PIEZO2: variants seen among roughly 807,000 people sequenced by gnomAD.
The protein encoded by PIEZO2 is piezo-type mechanosensitive ion channel component 2.
Under a neutral mutation model 337.3 loss-of-function variants are expected in PIEZO2, and 172 were observed. The observed-to-expected ratio is 0.51, with a 90% CI of 0.45 to 0.58. The LOEUF (loss-of-function observed/expected upper bound fraction) is 0.58. Among genes scored for constraint, PIEZO2 ranks in the 20% least tolerant of loss-of-function variants. The pLI is 0.00. For synonymous variants in PIEZO2, 1,251 were observed against 1,228.5 expected, an observed-to-expected ratio of 1.02 and a Z score of -0.38; for missense variants, 3,028 against 3,391.3, an observed-to-expected ratio of 0.89 and a Z score of 2.66.
At chr18:10,866,046 G>A (rs969334644) in intron 5 of PIEZO2, among the ~76,000 whole-genome samples, 1 of 152,166 alleles carries the variant, frequency 6.6e-6, no homozygotes, top group Admixed American at 6.5e-5. Context: ...CGTTTTTGGA[G>A]CTTTGATTCT....
At chr18:10,913,637 T>A (rs2030674929) in intron 3 of PIEZO2, among the ~76,000 whole-genome samples, 1 of 152,164 alleles carries the variant, frequency 6.6e-6, no homozygotes, top group Non-Finnish European at 1.5e-5. Context: ...TAGGCTTTTT[T>A]AACAGGGAGT....
chr18:11,045,566 T>C (rs1010696326), intron 2 of PIEZO2, among the ~76,000 whole-genome samples: 2 of 152,040 alleles, frequency 1.3e-5, no homozygotes, highest in African/African-American at 4.8e-5. Flanking sequence ...CGGACACTTG[T>C]TTATGGTATG....
intron 7 of PIEZO2, among the ~76,000 whole-genome samples, chr18:10,820,980 C>T (rs567443154): frequency 2.0e-5 from 3 of 152,250 alleles, no homozygotes; most frequent in East Asian, 3.9e-4. Context: ...GTTCTTTCCC[C>T]GGGAGTTTTG....
rs11875564 is a variant in PIEZO2 at position 10,794,832 on chromosome 18, A to G, written c.1698T>C (p.Pro566=). The change falls in exon 13 of 56, where the codon CCT becomes CCC. Residue 566 remains proline (P), a synonymous_variant. Transcript: ENST00000674853. The surrounding 1 kb of genome is among the most constrained non-coding windows in gnomAD (Gnocchi z 6.6). ...ILQYIWSFEL[P]EIKKVPGFLE... The stretch of plus-strand genomic sequence containing the variant: ...AAAATCCTGGAACTTTTTTAATTTC[A>G]GGAAGTTCAAAACTCCATATATACT... 3.3e-3 allele frequency: 5,082 copies of G among 1,536,620 alleles called. 112 individuals are homozygous for G. The African/African-American group carries it at 0.057, about 17-fold the overall frequency.
Position 10,962,107 on chromosome 18 carries a change from T to C in PIEZO2, c.286+17428A>G, listed in dbSNP as rs1046867246. On this transcript the variant is annotated intron_variant, in intron 3 of 55. Coordinates refer to ENST00000674853, the MANE Select transcript of PIEZO2 (RefSeq NM_001378183.1). This position sits in a 1 kb window ranked among gnomAD's most constrained non-coding sequence, Gnocchi z 4.1. Reference sequence around the variant, plus strand: ...CAGACTGTAATCAACTATATTAGCATGACAACAAATTCTTTATGTTGTGAG... The same window carrying C: ...CAGACTGTAATCAACTATATTAGCACGACAACAAATTCTTTATGTTGTGAG... 6.6e-6 allele frequency among the ~76,000 whole-genome samples: 1 copy of C among 152,188 alleles called. No homozygotes were observed. The highest frequency in any genetic ancestry group is 2.4e-5 in the African/African-American group (1 of 41,450).
rs985664976 is a variant in PIEZO2 at position 10,929,394 on chromosome 18, C to G, written c.287-18166G>C. On this transcript the variant is annotated intron_variant, in intron 3 of 55. Coordinates refer to ENST00000674853, the MANE Select transcript of PIEZO2 (RefSeq NM_001378183.1). The surrounding 1 kb of genome is among the most constrained non-coding windows in gnomAD (Gnocchi z 5.6). ...AATTCCAGACCAGCGCAAAGAAACT[C>G]CGAATTATTTTGATCAGATTCAGAC... 1.3e-5 allele frequency among the ~76,000 whole-genome samples: 2 copies of G among 152,160 alleles called. No homozygotes were observed. Among genetic ancestry groups the G allele is most frequent in the Non-Finnish European group, 2.9e-5 (2 of 68,036 alleles).
At chr18:11,000,424 A>C (rs1444863562) in intron 2 of PIEZO2, among the ~76,000 whole-genome samples, 5 of 152,332 alleles carry the variant, frequency 3.3e-5, no homozygotes, top group South Asian at 2.1e-4. Flanking sequence ...AAAGGGCTGT[A>C]AAATCTGAAA....
At chr18:10,865,860 C>G (rs759828989) in intron 5 of PIEZO2, among the ~76,000 whole-genome samples, 4 of 152,048 alleles carry the variant, frequency 2.6e-5, no homozygotes, top group Admixed American at 6.5e-5. Context: ...TACTCTACCC[C>G]CCAAGAAAGG....
rs756508399 is a variant in PIEZO2, at chr18:10,758,109, G to A, written c.3783C>T (p.Ala1261=). 2.8e-5 allele frequency: 43 copies of A among 1,537,498 alleles called. No individual in the cohort carries two copies. The highest frequency in any genetic ancestry group is 1.7e-4 in the South Asian group (14 of 84,054). ...LVYDFMLLLC[A]SLQRQIFEDE... is the part of the protein sequence containing the mutation. Reference sequence around the variant, plus strand: ...CCTCAAAAATCTGCCGTTGTAAGGAGGCACACAGAAGCAGCATGAAGTCAT... The same window carrying A: ...CCTCAAAAATCTGCCGTTGTAAGGAAGCACACAGAAGCAGCATGAAGTCAT... The change falls in exon 27 of 56, where the codon GCC becomes GCT. Residue 1261 remains alanine (A), a synonymous_variant. Transcript: ENST00000674853.
At chr18:10,763,988 A>G (rs2038248782) in intron 21 of PIEZO2, among the ~76,000 whole-genome samples, 1 of 152,140 alleles carries the variant, frequency 6.6e-6, no homozygotes, top group East Asian at 1.9e-4. Context: ...GCCATTACTG[A>G]GACAGCAACG....
chr18:10,917,876 C>T (rs1410747552), intron 3 of PIEZO2, among the ~76,000 whole-genome samples: 2 of 152,080 alleles, frequency 1.3e-5, no homozygotes, highest in Non-Finnish European at 2.9e-5. Context: ...AACTTTTCTG[C>T]CAGAAGTTTC....
At chr18:10,939,747 G>A (rs1011443320) in intron 3 of PIEZO2, among the ~76,000 whole-genome samples, 1 of 152,104 alleles carries the variant, frequency 6.6e-6, no homozygotes, top group Non-Finnish European at 1.5e-5. Context: ...GAGGGGAACA[G>A]CACACACTGT....
chr18:11,005,010 T>C (rs181499828), intron 2 of PIEZO2, among the ~76,000 whole-genome samples: 41 of 152,250 alleles, frequency 2.7e-4, no homozygotes, highest in Non-Finnish European at 5.7e-4. Context: ...ATCACAATAA[T>C]GAAAAAAGGT....
chr18:10,769,024 C>A (rs1022816623), intron 21 of PIEZO2, among the ~76,000 whole-genome samples: 2 of 152,236 alleles, frequency 1.3e-5, no homozygotes, highest in African/African-American at 4.8e-5. Flanking sequence ...TCACCTGTAC[C>A]TCAGACTGGA....
rs182724303 is a variant in PIEZO2 at position 11,007,422 on chromosome 18, G to A, written c.161-27762C>T. Among the ~76,000 whole-genome samples the A allele has an allele frequency of 8.5e-5, 13 of 152,236 alleles. No homozygotes were observed. The East Asian group carries it at 2.3e-3, about 27-fold the overall frequency. The stretch of plus-strand genomic sequence containing the variant: ...ATGTATGCATATAGGGTTCCACCAC[G>A]AGAATCAGGATCTGGAACATTTACA... On this transcript the variant is annotated intron_variant, in intron 2 of 55. Transcript: ENST00000674853.
At chr18:10,755,249 C>T (rs1221564322) in intron 27 of PIEZO2, among the ~76,000 whole-genome samples, 1 of 151,974 alleles carries the variant, frequency 6.6e-6, no homozygotes, top group African/African-American at 2.4e-5. Context: ...TGTGTGGGGT[C>T]GGCTGGCTTG....
intron 2 of PIEZO2, among the ~76,000 whole-genome samples, chr18:11,056,532 A>G (rs1046674454): frequency 6.6e-6 from 1 of 152,230 alleles, no homozygotes; most frequent in Admixed American, 6.5e-5. Flanking sequence ...CCAACCAGAA[A>G]TCAGGAATCA....
rs149518581 is a variant in PIEZO2 at position 10,713,528 on chromosome 18, T to A, written c.5423+1236A>T. On this transcript the variant is annotated intron_variant, in intron 39 of 55. Coordinates refer to ENST00000674853, the MANE Select transcript of PIEZO2 (RefSeq NM_001378183.1). The surrounding 1 kb of genome is among the most constrained non-coding windows in gnomAD (Gnocchi z 4.5). The stretch of plus-strand genomic sequence containing the variant: ...AGGTCATTAGTGCCTCGCTCTAAAG[T>A]GTGACTCTAAAGCCATCCAGGAGTT... 1.8e-4 allele frequency among the ~76,000 whole-genome samples: 27 copies of A among 152,304 alleles called. 2 individuals carry two copies. In the East Asian group the frequency reaches 5.2e-3, roughly 29 times the overall value.
chr18:11,010,865 G>T (rs914039399), intron 2 of PIEZO2, among the ~76,000 whole-genome samples: 9 of 152,224 alleles, frequency 5.9e-5, no homozygotes, highest in African/African-American at 1.9e-4. Context: ...GTCAATATTT[G>T]TTAAAAGAAT....
Sources: gnomAD v4.1 joint callset for allele counts (sites outside exome capture counted in the v4.1 genomes callset) on GRCh38, gnomAD v4.1.1 for gene constraint, Gnocchi (gnomAD v3.1) non-coding constraint, MANE v1.5 for transcripts, NCBI Gene and HGNC (gene_info 2026-07-23, HGNC 2026-07-21) for gene names.